The following COL23A1 variants were observed in gnomAD, a reference collection of about 807,000 sequenced individuals.
The protein encoded by COL23A1 is collagen type XXIII alpha 1 chain, also known as collagen alpha-1(XXIII) chain.
COL23A1 carries 97 observed loss-of-function variants against 99.3 expected under a neutral mutation model. The observed-to-expected ratio is 0.98, with a 90% CI of 0.83 to 1.16. The LOEUF is 1.16. COL23A1 is among the 50% of genes most tolerant of loss of function. The pLI, the probability that COL23A1 is intolerant of heterozygous loss-of-function variation, is 0.00. For missense variants in COL23A1, 762 were observed against 757.4 expected (o/e 1.01, Z -0.07); for synonymous variants, 320 against 308.2 (o/e 1.04, Z -0.40).
chr5:178,273,519 A>T (rs1163285046), intron 5 of COL23A1, among the ~76,000 whole-genome samples: 1 of 152,194 alleles, frequency 6.6e-6, no homozygotes, highest in Non-Finnish European at 1.5e-5. Context: ...GTAGCTTCCC[A>T]ATAGAGGCAG....
rs73336866 is a variant in COL23A1 at position 178,237,882 on chromosome 5, C to T, written c.*816G>A. The T allele has an allele frequency of 0.17, 25,856 of 152,364 alleles. 4,096 individuals carry two copies. The highest frequency in any genetic ancestry group is 0.42 in the African/African-American group (17,565 of 41,512). The allele number at this position is 152,364 out of a possible 1,614,324, so 9.4% of individuals were successfully genotyped here. A position where few individuals can be genotyped will look rare whatever the true frequency, so the allele number is the denominator to read the frequency against. ...AGACTTGGGGCCAGTGAGACCCAGACTCTGAGTGGGAGGCCTGCCTCCCTG... is the reference window on the plus strand; with the variant it reads ...AGACTTGGGGCCAGTGAGACCCAGATTCTGAGTGGGAGGCCTGCCTCCCTG... On this transcript the variant is annotated 3_prime_UTR_variant, in exon 29 of 29. Transcript: ENST00000390654.
chr5:178,325,333 C>CCCTGGCCAAGGCCCTT (rs11276551), intron 2 of COL23A1, among the ~76,000 whole-genome samples: 66,776 of 151,716 alleles, frequency 0.44, 15,857 homozygotes, highest in African/African-American at 0.62. Flanking sequence ...GGACAGCGCT[C>CCCTGGCCAAGGCCCTT]CCTGGCCAGC....
chr5:178,326,862 G>GGT (rs1759700629), intron 2 of COL23A1, among the ~76,000 whole-genome samples: 1 of 152,240 alleles, frequency 6.6e-6, no homozygotes, highest in African/African-American at 2.4e-5. Flanking sequence ...TGGGACTACA[G>GGT]GCGCCTGCCA....
chr5:178,486,837 G>T (rs1282287452), intron 2 of COL23A1, among the ~76,000 whole-genome samples: 1 of 152,158 alleles, frequency 6.6e-6, no homozygotes, highest in Non-Finnish European at 1.5e-5. Context: ...GTCTCGCCTT[G>T]GACTTCAAGC....
intron 1 of COL23A1, among the ~76,000 whole-genome samples, chr5:178,578,393 A>G (rs1036496317): frequency 6.6e-6 from 1 of 152,144 alleles, no homozygotes; most frequent in Non-Finnish European, 1.5e-5. Flanking sequence ...CTGCACCACA[A>G]GCCTGGTCTG....
chr5:178,239,696 C>T (rs13357628), intron 27 of COL23A1, among the ~76,000 whole-genome samples: 4 of 53,856 alleles, frequency 7.4e-5, no homozygotes, highest in African/African-American at 4.7e-4. Context: ...TGGCTTCCTG[C>T]CTGATGTGAC....
chr5:178,271,742 A>G (rs946824359), intron 5 of COL23A1, among the ~76,000 whole-genome samples: 3 of 152,244 alleles, frequency 2.0e-5, no homozygotes, highest in Non-Finnish European at 4.4e-5. Context: ...AGGCTCTGCC[A>G]GCTCCTAGCC....
intron 2 of COL23A1, among the ~76,000 whole-genome samples, chr5:178,501,829 G>A (rs1172453138): frequency 6.6e-6 from 1 of 152,174 alleles, no homozygotes; most frequent in Non-Finnish European, 1.5e-5. Context: ...CACCCAGCCA[G>A]CCCAGCACTA....
chr5:178,340,506 G>A lies in COL23A1; in HGVS notation c.362-33587C>T, dbSNP rs555796498. Among the ~76,000 whole-genome samples, 42 of 152,272 alleles carry A rather than the reference G, an allele frequency of 2.8e-4. No homozygotes were observed. The highest frequency in any genetic ancestry group is 2.3e-3 in the Admixed American group (35 of 15,300). On this transcript the variant is annotated intron_variant, in intron 2 of 28. Coordinates refer to ENST00000390654, the MANE Select transcript of COL23A1 (RefSeq NM_173465.4). The surrounding 1 kb of genome is among the most constrained non-coding windows in gnomAD (Gnocchi z 4.7). The stretch of plus-strand genomic sequence containing the variant: ...TGAAGCCCACAGTGTGGGCTGCTCC[G>A]TTTGGTCAGAGCTTCTCAAATCCCT...
chr5:178,405,126 A>C lies in COL23A1; in HGVS notation c.362-98207T>G, dbSNP rs1056993468. Among the ~76,000 whole-genome samples, 4 of 152,050 alleles carry C rather than the reference A, an allele frequency of 2.6e-5. No individual in the cohort carries two copies. In the East Asian group the frequency reaches 7.7e-4, roughly 29 times the overall value. ...CGCATTCGCACCACAGGCCACAAAC[A>C]CTGGCAGCCCAAGGGCCAGATGGGC... On this transcript the variant is annotated intron_variant, in intron 2 of 28. Coordinates refer to ENST00000390654, the MANE Select transcript of COL23A1 (RefSeq NM_173465.4).
Position 178,435,077 on chromosome 5 carries a change from T to A in COL23A1, c.361+125605A>T, listed in dbSNP as rs141900561. 5.6e-4 allele frequency among the ~76,000 whole-genome samples: 85 copies of A among 152,342 alleles called. 2 individuals carry two copies. The East Asian group carries it at 0.015, about 27-fold the overall frequency. On this transcript the variant is annotated intron_variant, in intron 2 of 28. Coordinates refer to ENST00000390654, the MANE Select transcript of COL23A1 (RefSeq NM_173465.4). The stretch of plus-strand genomic sequence containing the variant: ...GGCGAGCAATAATCTTTTCGTCTAT[T>A]CCTGGCTCCTGGAGATTTGCCTCTC...
At chr5:178,454,872 T>C (rs1390394610) in intron 2 of COL23A1, among the ~76,000 whole-genome samples, 4 of 152,250 alleles carry the variant, frequency 2.6e-5, no homozygotes, top group African/African-American at 9.6e-5. Context: ...TCTCTCTCAG[T>C]TCTGGAGGCT....
At chr5:178,504,815 G>A (rs1444604191) in intron 2 of COL23A1, among the ~76,000 whole-genome samples, 1 of 152,160 alleles carries the variant, frequency 6.6e-6, no homozygotes, top group Non-Finnish European at 1.5e-5. Flanking sequence ...AGTAGGAATG[G>A]CCCCGTGTTG....
chr5:178,447,648 C>G (rs1029928108), intron 2 of COL23A1, among the ~76,000 whole-genome samples: 1 of 152,134 alleles, frequency 6.6e-6, no homozygotes, highest in East Asian at 1.9e-4. Flanking sequence ...TGAGTACACT[C>G]GCTGATGTCC....
Position 178,308,930 on chromosome 5 carries a change from GGAA to G in COL23A1, c.362-2014_362-2012del, listed in dbSNP as rs1475727703. 6.6e-6 allele frequency among the ~76,000 whole-genome samples: 1 copy of G among 152,226 alleles called. No homozygotes were observed. Among genetic ancestry groups the G allele is most frequent in the Non-Finnish European group, 1.5e-5 (1 of 68,046 alleles). The stretch of plus-strand genomic sequence containing the variant: ...GCACCATGTTCCTCGGGCTGTAGGA[GGAA>G]GAAGGCCCAGTGGCCACCCACAAAG... On this transcript the variant is annotated intron_variant, in intron 2 of 28. Transcript: ENST00000390654. This position sits in a 1 kb window ranked among gnomAD's most constrained non-coding sequence, Gnocchi z 5.1.
intron 2 of COL23A1, among the ~76,000 whole-genome samples, chr5:178,443,982 G>T (rs73336685): frequency 6.6e-6 from 1 of 151,810 alleles, no homozygotes; most frequent in Non-Finnish European, 1.5e-5. Flanking sequence ...CAGGTGGATC[G>T]CTTGAGCCTG....
intron 2 of COL23A1, among the ~76,000 whole-genome samples, chr5:178,481,187 G>A (rs1757320991): frequency 6.8e-6 from 1 of 146,680 alleles, no homozygotes; most frequent in South Asian, 2.2e-4. Context: ...CTTTCCCTCA[G>A]AGTTGTGAAG....
At position 178,589,404 on chromosome 5, in the gene COL23A1, A is replaced by T. The variant is rs145908218; in HGVS notation, c.294+500T>A. ...TCTTGGGGCCTGAGCTGCTGGAGAC[A>T]CACTGGAGCACAGCGGGGCCCAGCC... is the stretch of plus-strand genomic sequence containing the variant. On this transcript the variant is annotated intron_variant, in intron 1 of 28. Coordinates refer to ENST00000390654, the MANE Select transcript of COL23A1 (RefSeq NM_173465.4). The surrounding 1 kb of genome is among the most constrained non-coding windows in gnomAD (Gnocchi z 5.4). Among the ~76,000 whole-genome samples, 60 of 149,388 alleles carry T rather than the reference A, an allele frequency of 4.0e-4. No homozygotes were observed. In the East Asian group the frequency reaches 0.011, roughly 28 times the overall value.
chr5:178,290,663 G>C (rs998905128), intron 3 of COL23A1, among the ~76,000 whole-genome samples: 13 of 152,224 alleles, frequency 8.5e-5, no homozygotes, highest in African/African-American at 2.9e-4. Context: ...GCACTGAGTA[G>C]GAATTGGAAC....
Sources: gnomAD v4.1 joint callset for allele counts (sites outside exome capture counted in the v4.1 genomes callset) on GRCh38, gnomAD v4.1.1 for gene constraint, Gnocchi (gnomAD v3.1) non-coding constraint, MANE v1.5 for transcripts, NCBI Gene and HGNC (gene_info 2026-07-23, HGNC 2026-07-21) for gene names.